CBLB: variants seen among roughly 807,000 people sequenced by gnomAD.
The protein encoded by CBLB is E3 ubiquitin-protein ligase CBL-B.
CBLB carries 31 observed loss-of-function variants against 104.9 expected under a neutral mutation model. The observed-to-expected ratio is 0.30, with a 90% CI of 0.22 to 0.40. The LOEUF (loss-of-function observed/expected upper bound fraction) is 0.40, where lower values mean the gene tolerates loss of function less well. CBLB is among the 10% of genes least tolerant of loss of function. The probability of loss-of-function intolerance (pLI) is 1.00; values close to 1 mark genes in which losing one functional copy is unlikely to be tolerated. For synonymous variants in CBLB, 440 were observed against 422.6 expected, an observed-to-expected ratio of 1.04 and a Z score of -0.51; for missense variants, 1,062 against 1,214.6, an observed-to-expected ratio of 0.87 and a Z score of 1.87.
At chr3:105,806,299 T>G (rs1397326213) in intron 3 of CBLB, among the ~76,000 whole-genome samples, 1 of 152,134 alleles carries the variant, frequency 6.6e-6, no homozygotes, top group East Asian at 1.9e-4. Context: ...CTGTACATAC[T>G]CATGTAAATA....
At chr3:105,793,863 G>A in intron 3 of CBLB, among the ~76,000 whole-genome samples, 1 of 145,798 alleles carries the variant, frequency 6.9e-6, no homozygotes, top group East Asian at 2.0e-4. Flanking sequence ...TGCAAAAAAG[G>A]GTGACAAAGA....
At chr3:105,671,921 C>T (rs890530838) in intron 17 of CBLB, 3 of 192,458 alleles carry the variant, frequency 1.6e-5, no homozygotes, top group South Asian at 1.9e-4. Flanking sequence ...GAAGATAAAT[C>T]GCATGAGACA....
intron 10 of CBLB, among the ~76,000 whole-genome samples, chr3:105,718,059 T>C (rs2072182971): frequency 2.0e-5 from 3 of 152,156 alleles, no homozygotes; most frequent in African/African-American, 7.2e-5. Flanking sequence ...TGGTGCTTTA[T>C]TCCACGTCTT....
Position 105,676,396 on chromosome 3 carries a change from G to C in CBLB, c.2569+2035C>G, listed in dbSNP as rs985548463. ...ATTCTTTTGACAAAAACAGGTAAAAGTGTGTATTTGTGTAAAATGTTCTCT... is the reference window on the plus strand; with the variant it reads ...ATTCTTTTGACAAAAACAGGTAAAACTGTGTATTTGTGTAAAATGTTCTCT... On this transcript the variant is annotated intron_variant, in intron 17 of 18. Transcript: ENST00000394030. Among the ~76,000 whole-genome samples the C allele has an allele frequency of 6.6e-5, 10 of 152,068 alleles. No homozygotes were observed. In the East Asian group the frequency reaches 1.5e-3, roughly 23 times the overall value.
chr3:105,805,302 ATTT>A (rs1221623767), intron 3 of CBLB, among the ~76,000 whole-genome samples: 2 of 138,594 alleles, frequency 1.4e-5, no homozygotes, highest in Non-Finnish European at 3.1e-5. Flanking sequence ...ATGGCCCCCA[ATTT>A]TTTTTTTTTT....
Position 105,868,915 on chromosome 3 carries a change from C to T in CBLB, c.-194G>A. On this transcript the variant is annotated 5_prime_UTR_variant, in exon 1 of 19. Transcript: ENST00000394030. Reference sequence around the variant, plus strand: ...GACGTGGAAACGCAACAATTACCGTCAAGACAAATCCACACCCGCTCTCCC... The same window carrying T: ...GACGTGGAAACGCAACAATTACCGTTAAGACAAATCCACACCCGCTCTCCC... 9.9e-7 allele frequency: 1 copy of T among 1,013,342 alleles called. No homozygotes were observed. Among genetic ancestry groups the T allele is most frequent in the Non-Finnish European group, 1.2e-6 (1 of 848,100 alleles). 62.8% of individuals were successfully genotyped at this position (1,013,342 alleles called of 1,614,324 possible).
intron 4 of CBLB, among the ~76,000 whole-genome samples, chr3:105,772,823 C>G (rs1289052354): frequency 3.3e-5 from 5 of 152,148 alleles, no homozygotes; most frequent in Non-Finnish European, 5.9e-5. Context: ...GAGAAACCAC[C>G]TTACTTCTGC....
intron 4 of CBLB, among the ~76,000 whole-genome samples, chr3:105,769,821 A>T (rs1193513010): frequency 1.3e-5 from 2 of 152,192 alleles, no homozygotes; most frequent in African/African-American, 4.8e-5. Context: ...ACTTCAAGCG[A>T]AAGACTGGAA....
intron 3 of CBLB, among the ~76,000 whole-genome samples, chr3:105,798,752 T>A (rs1354609054): frequency 6.6e-6 from 1 of 152,212 alleles, no homozygotes; most frequent in Non-Finnish European, 1.5e-5. Context: ...CCTTTGCTGC[T>A]TATTTTGAGT....
chr3:105,700,048 T>C (rs2152773825), intron 12 of CBLB, among the ~76,000 whole-genome samples: 1 of 152,274 alleles, frequency 6.6e-6, no homozygotes, highest in African/African-American at 2.4e-5. Flanking sequence ...GTGTTCTCTA[T>C]TATACTAATC....
At chr3:105,774,587 C>G (rs1430826445) in intron 4 of CBLB, among the ~76,000 whole-genome samples, 1 of 152,088 alleles carries the variant, frequency 6.6e-6, no homozygotes, top group Non-Finnish European at 1.5e-5. Context: ...TATCTAATCA[C>G]TATTTCAAGA....
At chr3:105,683,902 G>A (rs2066650020) in intron 14 of CBLB, among the ~76,000 whole-genome samples, 1 of 152,218 alleles carries the variant, frequency 6.6e-6, no homozygotes, top group African/African-American at 2.4e-5. Flanking sequence ...TCAGCAGAAT[G>A]TTGATAATTC....
chr3:105,746,355 A>G (rs111996463), intron 5 of CBLB, among the ~76,000 whole-genome samples: 2,663 of 152,306 alleles, frequency 0.017, 70 homozygotes, highest in African/African-American at 0.06. Flanking sequence ...CACAAATGAA[A>G]TAATTCTTTT....
In CBLB at chr3:105,657,043, GACAT is replaced by G. The variant is rs1298347157; in HGVS notation, c.*1923_*1926del. 1 of 226,298 alleles carries G rather than the reference GACAT, an allele frequency of 4.4e-6. No homozygotes were observed. Among genetic ancestry groups the G allele is most frequent in the African/African-American group, 2.2e-5 (1 of 44,920 alleles). The allele number at this position is 226,298 out of a possible 1,614,324, so 14.0% of individuals were successfully genotyped here. On this transcript the variant is annotated 3_prime_UTR_variant, in exon 19 of 19. Coordinates refer to ENST00000394030, the MANE Select transcript of CBLB (RefSeq NM_170662.5). ...GGCAAATGAAAAATTCCCCTCCAGG[GACAT>G]AACCAGCTCAGAACCATCTGAAAAA...
At chr3:105,799,180 A>C (rs2082564878) in intron 3 of CBLB, among the ~76,000 whole-genome samples, 3 of 150,652 alleles carry the variant, frequency 2.0e-5, no homozygotes, top group Non-Finnish European at 3.0e-5. Context: ...CAAAGAACAA[A>C]AAAAAAAAAA....
intron 4 of CBLB, among the ~76,000 whole-genome samples, chr3:105,765,996 T>C (rs922813335): frequency 1.3e-5 from 2 of 152,198 alleles, no homozygotes; most frequent in African/African-American, 4.8e-5. Context: ...TTCACCTTTC[T>C]AATGCCACTA....
At chr3:105,776,109 T>A (rs2079424700) in intron 4 of CBLB, among the ~76,000 whole-genome samples, 1 of 152,180 alleles carries the variant, frequency 6.6e-6, no homozygotes, top group African/African-American at 2.4e-5. Flanking sequence ...TATCAGCTTC[T>A]CATGTATAAA....
intron 4 of CBLB, 141 bp from the exon 5 acceptor site, chr3:105,751,759 T>C (rs1019598154): frequency 1.4e-6 from 1 of 737,724 alleles, no homozygotes. Flanking sequence ...ATATTGTTCA[T>C]ATTTCAGAAC....
rs138159981 is a variant in CBLB, at chr3:105,736,405, C to T, written c.1071+766G>A. Among the ~76,000 whole-genome samples, 69 of 152,160 alleles carry T rather than the reference C, an allele frequency of 4.5e-4. 1 individual carries two copies. The Middle Eastern group carries it at 0.01, about 23-fold the overall frequency. On this transcript the variant is annotated intron_variant, in intron 8 of 18. Coordinates refer to ENST00000394030, the MANE Select transcript of CBLB (RefSeq NM_170662.5). The stretch of plus-strand genomic sequence containing the variant: ...TGCAACTTGACCAAATGAAATGTTA[C>T]CTACATGTACTTTACATAAATGGAA...
Sources: gnomAD v4.1 joint callset for allele counts (sites outside exome capture counted in the v4.1 genomes callset) on GRCh38, gnomAD v4.1.1 for gene constraint, MANE v1.5 for transcripts, NCBI Gene and HGNC (gene_info 2026-07-23, HGNC 2026-07-21) for gene names.